GAP43: variants seen among roughly 807,000 people sequenced by gnomAD.
GAP43 encodes neuromodulin.
Under a neutral mutation model 18.6 loss-of-function variants are expected in GAP43, and 6 were observed. That is an observed-to-expected ratio of 0.32 (90% CI 0.18 to 0.64). The LOEUF (loss-of-function observed/expected upper bound fraction) is 0.64. GAP43 is among the 30% of genes least tolerant of loss of function. The probability of loss-of-function intolerance (pLI) is 0.78; values close to 1 mark genes in which losing one functional copy is unlikely to be tolerated. For missense variants in GAP43, 292 were observed against 295.5 expected (o/e 0.99, Z 0.09); for synonymous variants, 115 against 111.4 (o/e 1.03, Z -0.20).
chr3:115,688,979 T>TC (rs1022670260), intron 2 of GAP43, among the ~76,000 whole-genome samples: 12 of 152,306 alleles, frequency 7.9e-5, no homozygotes, highest in African/African-American at 2.9e-4. Context: ...CAGCCCTTCT[T>TC]CCCCATTCTC....
chr3:115,682,827 G>A (rs1708973528), intron 2 of GAP43, among the ~76,000 whole-genome samples: 1 of 152,120 alleles, frequency 6.6e-6, no homozygotes, highest in East Asian at 1.9e-4. Flanking sequence ...ACTGCGCCTG[G>A]CCCTTTTATT....
intron 1 of GAP43, among the ~76,000 whole-genome samples, chr3:115,660,305 T>A (rs947968347): frequency 1.6e-4 from 24 of 152,202 alleles, no homozygotes; most frequent in Admixed American, 6.5e-5. Context: ...TACCTATAAT[T>A]ATATACCTAT....
chr3:115,652,480 G>A (rs1007085636), intron 1 of GAP43, among the ~76,000 whole-genome samples: 7 of 147,538 alleles, frequency 4.7e-5, no homozygotes, highest in Non-Finnish European at 7.4e-5. Flanking sequence ...CAACTTCTGG[G>A]ATCAAGCAAT....
chr3:115,647,159 T>C (rs1708467268), intron 1 of GAP43, among the ~76,000 whole-genome samples: 1 of 126,688 alleles, frequency 7.9e-6, no homozygotes, highest in African/African-American at 2.9e-5. Flanking sequence ...AGTGCCCTTT[T>C]AAAGAGACCC....
At chr3:115,710,971 A>T (rs1358520313) in intron 2 of GAP43, among the ~76,000 whole-genome samples, 1 of 152,196 alleles carries the variant, frequency 6.6e-6, no homozygotes, top group Non-Finnish European at 1.5e-5. Flanking sequence ...TTTGAATGTC[A>T]TCTGCCCCAG....
rs1576991225 is a variant in GAP43 at position 115,676,539 on chromosome 3, A to G, written c.557A>G (p.Asp186Gly). The G allele has an allele frequency of 4.3e-6, 7 of 1,613,524 alleles. No individual in the cohort carries two copies. The highest frequency in any genetic ancestry group is 8.5e-7 in the Non-Finnish European group (1 of 1,179,988). Residue 186 changes from aspartate (D) to glycine (G), a missense_variant, in exon 2 of 3, where the codon GAT (aspartate) becomes GGT (glycine). Physicochemically the swap from Asp to Gly is moderately conservative, Grantham distance 94. Coordinates refer to ENST00000305124, the MANE Select transcript of GAP43 (RefSeq NM_002045.4). ...AAAATTPAAE[D>G]AAAKATAQPP... ...GCTGCCACCACCCCTGCCGCAGAGG[A>G]TGCTGCTGCCAAGGCAACAGCCCAG...
chr3:115,693,483 GTTAAA>G (rs1275406634), intron 2 of GAP43, among the ~76,000 whole-genome samples: 1 of 144,018 alleles, frequency 6.9e-6, no homozygotes, highest in African/African-American at 2.5e-5. Context: ...AAAAAATCCT[GTTAAA>G]TTATTATTAT....
At chr3:115,669,997 A>ATTTTTTTTTTAAT (rs1708795272) in intron 1 of GAP43, among the ~76,000 whole-genome samples, 1 of 123,510 alleles carries the variant, frequency 8.1e-6, no homozygotes, top group Non-Finnish European at 1.7e-5. Context: ...TTTTTTTTTA[A>ATTTTTTTTTTAAT]TTTTTTTTTT....
chr3:115,687,421 A>G (rs374558090), intron 2 of GAP43, among the ~76,000 whole-genome samples: 7 of 152,368 alleles, frequency 4.6e-5, no homozygotes, highest in African/African-American at 1.4e-4. Flanking sequence ...AGTAACTTCT[A>G]AACATGGCTT....
In GAP43 at chr3:115,676,173, C is replaced by T. The variant is rs1160071406; in HGVS notation, c.191C>T (p.Ala64Val). ...EKKDDVQAAE[A>V]EANKKDEAPV... Reference sequence around the variant, plus strand: ...AAGGATGATGTCCAAGCTGCTGAGGCTGAAGCTAATAAGAAGGATGAAGCC... The same window carrying T: ...AAGGATGATGTCCAAGCTGCTGAGGTTGAAGCTAATAAGAAGGATGAAGCC... The change falls in exon 2 of 3, where the codon GCT (alanine) becomes GTT (valine). Residue 64 changes from alanine (A) to valine (V), a missense_variant. Transcript: ENST00000305124. 5 of 1,614,146 alleles carry T rather than the reference C, an allele frequency of 3.1e-6. No homozygotes were observed. Among genetic ancestry groups the T allele is most frequent in the Admixed American group, 1.7e-5 (1 of 60,026 alleles).
At chr3:115,689,258 G>C (rs144451301) in intron 2 of GAP43, among the ~76,000 whole-genome samples, 1 of 152,148 alleles carries the variant, frequency 6.6e-6, no homozygotes, top group Non-Finnish European at 1.5e-5. Flanking sequence ...TGCCTAAAAC[G>C]ACTGTGTTTA....
intron 2 of GAP43, 76 bp from the exon 3 acceptor site, chr3:115,720,718 C>T (rs1709565982): frequency 2.3e-6 from 2 of 860,146 alleles, no homozygotes; most frequent in Non-Finnish European, 3.8e-6. Context: ...AAATGCATTG[C>T]ACTGTTGTAT....
intron 1 of GAP43, among the ~76,000 whole-genome samples, chr3:115,651,939 T>C (rs1413743621): frequency 6.6e-6 from 1 of 152,200 alleles, no homozygotes. Flanking sequence ...CTCTGTCTTC[T>C]AGATAGAGGT....
intron 2 of GAP43, among the ~76,000 whole-genome samples, chr3:115,694,914 T>C (rs1281505422): frequency 6.6e-6 from 1 of 152,122 alleles, no homozygotes; most frequent in Non-Finnish European, 1.5e-5. Context: ...ACATTAGAAG[T>C]ATAGTAATCA....
chr3:115,671,786 T>C (rs575640068), intron 1 of GAP43, among the ~76,000 whole-genome samples: 42 of 152,344 alleles, frequency 2.8e-4, no homozygotes, highest in African/African-American at 1.0e-3. Flanking sequence ...GAGCTGACTT[T>C]TTAGCCATTA....
intron 1 of GAP43, among the ~76,000 whole-genome samples, chr3:115,653,813 A>G (rs1039526254): frequency 2.0e-5 from 3 of 152,210 alleles, no homozygotes; most frequent in Non-Finnish European, 4.4e-5. Flanking sequence ...TATTGCTATT[A>G]TATTAAAAAT....
intron 2 of GAP43, among the ~76,000 whole-genome samples, chr3:115,688,407 G>A (rs1041257519): frequency 1.3e-5 from 2 of 152,228 alleles, no homozygotes; most frequent in East Asian, 3.9e-4. Context: ...ATACTCCAGT[G>A]TCAACATAAT....
intron 1 of GAP43, among the ~76,000 whole-genome samples, chr3:115,652,356 C>CTT (rs71141831): frequency 0.11 from 4,849 of 43,540 alleles, 1,508 homozygotes; most frequent in East Asian, 0.14. Context: ...ATCCAGCATT[C>CTT]TTTTTTTTTT....
chr3:115,708,182 C>T (rs1709388833), intron 2 of GAP43, among the ~76,000 whole-genome samples: 1 of 152,202 alleles, frequency 6.6e-6, no homozygotes, highest in African/African-American at 2.4e-5. Context: ...AGTTAGTCCA[C>T]AGTCAACTGA....
Sources: gnomAD v4.1 joint callset for allele counts (sites outside exome capture counted in the v4.1 genomes callset) on GRCh38, gnomAD v4.1.1 for gene constraint, MANE v1.5 for transcripts, NCBI Gene and HGNC (gene_info 2026-07-23, HGNC 2026-07-21) for gene names.